UBASH3B: variants seen among roughly 807,000 people sequenced by gnomAD.
UBASH3B encodes ubiquitin associated and SH3 domain containing B, also known as ubiquitin-associated and SH3 domain-containing protein B.
In UBASH3B, 37 loss-of-function variants were observed where a neutral mutation model predicts 83.4. The ratio of observed to expected loss-of-function variants is 0.44; its 90% CI spans 0.34 to 0.58. The LOEUF is 0.58. Among genes scored for constraint, UBASH3B ranks in the 20% least tolerant of loss-of-function variants. UBASH3B has a pLI of 0.01. For synonymous variants in UBASH3B, 304 were observed against 318.3 expected (o/e 0.96, Z 0.48); for missense variants, 657 against 827.2 (o/e 0.79, Z 2.52).
rs182490599 is a variant in UBASH3B at position 122,802,496 on chromosome 11, C to A, written c.1595+1164C>A. On this transcript the variant is annotated intron_variant, in intron 11 of 13. Transcript: ENST00000284273. ...TAACAAGTGGTCAATATAAGCAGAA[C>A]TTTCTTATGTGATATCTGTTGACCT... 5.9e-5 allele frequency among the ~76,000 whole-genome samples: 9 copies of A among 152,118 alleles called. No homozygotes were observed. The East Asian group carries it at 1.7e-3, about 29-fold the overall frequency.
intron 1 of UBASH3B, among the ~76,000 whole-genome samples, chr11:122,676,439 T>G (rs1863669045): frequency 6.6e-6 from 1 of 152,144 alleles, no homozygotes; most frequent in African/African-American, 2.4e-5. Context: ...CTCAAGAGGC[T>G]AAGGCAGGAG....
At chr11:122,666,812 C>T (rs768420647) in intron 1 of UBASH3B, among the ~76,000 whole-genome samples, 3 of 152,072 alleles carry the variant, frequency 2.0e-5, no homozygotes, top group South Asian at 4.2e-4. Flanking sequence ...TCCTGGAGAA[C>T]TAGTTCCACT....
intron 1 of UBASH3B, among the ~76,000 whole-genome samples, chr11:122,760,881 C>T (rs1174524760): frequency 6.6e-6 from 1 of 152,140 alleles, no homozygotes; most frequent in African/African-American, 2.4e-5. Flanking sequence ...TTTGTCATAC[C>T]ATATTCCATA....
Position 122,779,652 on chromosome 11 carries a change from G to A in UBASH3B, c.558G>A (p.Lys186=), listed in dbSNP as rs1860814878. The part of the protein sequence containing the change: ...FVKEDSAEVL[K]KFAADFAAEA... ...AGGAAGACAGTGCGGAGGTCCTCAA[G>A]AAGTTTGCTGCTGACTTTGCTGCAG... Residue 186 remains lysine, a synonymous_variant, in exon 4 of 14, where the codon AAG becomes AAA. Coordinates refer to ENST00000284273, the MANE Select transcript of UBASH3B (RefSeq NM_032873.5). 6.2e-7 allele frequency: 1 copy of A among 1,614,100 alleles called. No individual in the cohort carries two copies. The highest frequency in any genetic ancestry group is 1.3e-5 in the African/African-American group (1 of 74,934).
At position 122,674,472 on chromosome 11, in the gene UBASH3B, C is replaced by G. The variant is rs369345543; in HGVS notation, c.161+18262C>G. ...CTCAGTTCACTGCAAGCTCCGCCTC[C>G]CCGGTTCACGCCATTCTCCTGCCTC... On this transcript the variant is annotated intron_variant, in intron 1 of 13. Coordinates refer to ENST00000284273, the MANE Select transcript of UBASH3B (RefSeq NM_032873.5). Among the ~76,000 whole-genome samples the G allele has an allele frequency of 4.6e-4, 70 of 150,790 alleles. No homozygotes were observed. The East Asian group carries it at 5.3e-3, about 11-fold the overall frequency.
intron 1 of UBASH3B, among the ~76,000 whole-genome samples, chr11:122,727,992 C>CTTAACA (rs1555141146): frequency 8.0e-6 from 1 of 125,300 alleles, no homozygotes; most frequent in Non-Finnish European, 1.7e-5. Context: ...TTTAGCCCAT[C>CTTAACA]TTATCATTAT....
chr11:122,809,248 G>A (rs925322694), intron 13 of UBASH3B, among the ~76,000 whole-genome samples: 2 of 152,002 alleles, frequency 1.3e-5, no homozygotes, highest in African/African-American at 2.4e-5. Flanking sequence ...CTAATTTTTT[G>A]TATTTTTAGT....
intron 1 of UBASH3B, among the ~76,000 whole-genome samples, chr11:122,743,373 C>T (rs1374420335): frequency 1.3e-5 from 2 of 152,116 alleles, no homozygotes; most frequent in African/African-American, 4.8e-5. Context: ...CACTACCATG[C>T]CTAGCTAATT....
chr11:122,768,415 T>C (rs1229276742), intron 1 of UBASH3B, among the ~76,000 whole-genome samples: 1 of 152,034 alleles, frequency 6.6e-6, no homozygotes, highest in African/African-American at 2.4e-5. Flanking sequence ...ATCATGTATT[T>C]ACTCATATAT....
chr11:122,667,531 G>A (rs1037744015), intron 1 of UBASH3B, among the ~76,000 whole-genome samples: 2 of 152,190 alleles, frequency 1.3e-5, no homozygotes, highest in African/African-American at 4.8e-5. Flanking sequence ...CGTGGTAAAT[G>A]CGAGGCAAGA....
At chr11:122,698,376 G>A (rs1240900552) in intron 1 of UBASH3B, among the ~76,000 whole-genome samples, 1 of 151,960 alleles carries the variant, frequency 6.6e-6, no homozygotes, top group Non-Finnish European at 1.5e-5. Context: ...TCTAGGCTCT[G>A]GCAAAAGTTG....
chr11:122,728,005 T>C (rs1860773864), intron 1 of UBASH3B, among the ~76,000 whole-genome samples: 1 of 151,532 alleles, frequency 6.6e-6, no homozygotes, highest in Admixed American at 6.6e-5. Context: ...ATCATTATTA[T>C]TATTATTATT....
At chr11:122,740,971 CA>C (rs1861013706) in intron 1 of UBASH3B, among the ~76,000 whole-genome samples, 1 of 152,162 alleles carries the variant, frequency 6.6e-6, no homozygotes, top group Non-Finnish European at 1.5e-5. Context: ...TAATTAAAAA[CA>C]AATCGTTCGC....
chr11:122,804,391 C>T (rs1234652129), intron 11 of UBASH3B, among the ~76,000 whole-genome samples: 1 of 152,114 alleles, frequency 6.6e-6, no homozygotes, highest in Non-Finnish European at 1.5e-5. Context: ...AAGTTTCCTT[C>T]AAGTGGAACG....
chr11:122,755,877 A>G (rs925475143), intron 1 of UBASH3B, among the ~76,000 whole-genome samples: 102 of 152,252 alleles, frequency 6.7e-4, no homozygotes, highest in African/African-American at 2.3e-3. Context: ...TCCCATACTC[A>G]CTGATTAATT....
chr11:122,686,833 A>G (rs1446799248), intron 1 of UBASH3B, among the ~76,000 whole-genome samples: 1 of 151,756 alleles, frequency 6.6e-6, no homozygotes, highest in African/African-American at 2.4e-5. Context: ...CCATCTCTCT[A>G]AGCCCTGTTT....
chr11:122,686,282 T>C (rs1457418673), intron 1 of UBASH3B, among the ~76,000 whole-genome samples: 1 of 152,204 alleles, frequency 6.6e-6, no homozygotes, highest in Non-Finnish European at 1.5e-5. Flanking sequence ...AGCTGAGTCA[T>C]GTCGAGGAAG....
intron 5 of UBASH3B, among the ~76,000 whole-genome samples, chr11:122,784,090 G>A (rs1028584273): frequency 2.6e-5 from 4 of 151,922 alleles, no homozygotes; most frequent in East Asian, 1.9e-4. Context: ...ACAGGCACCC[G>A]CCACCACACT....
At chr11:122,790,791 A>T (rs80124433) in intron 6 of UBASH3B, among the ~76,000 whole-genome samples, 8 of 147,956 alleles carry the variant, frequency 5.4e-5, no homozygotes, top group Non-Finnish European at 9.0e-5. Context: ...TACCAAAAAT[A>T]AAAAAAAAAA....
Sources: allele counts gnomAD v4.1 joint callset (sites outside exome capture counted in the v4.1 genomes callset), GRCh38; gene constraint gnomAD v4.1.1; transcripts MANE v1.5; gene names NCBI Gene and HGNC (gene_info 2026-07-23, HGNC 2026-07-21).